TESK2: variants seen among roughly 807,000 people sequenced by gnomAD.
TESK2 encodes the protein testis associated actin remodelling kinase 2, also known as dual specificity testis-specific protein kinase 2.
A neutral mutation model predicts 57.1 loss-of-function variants in TESK2; 39 were observed. The ratio of observed to expected loss-of-function variants is 0.68; its 90% CI spans 0.53 to 0.89. TESK2 has a LOEUF of 0.89. Ranked by LOEUF, TESK2 falls within the 40% of genes least tolerant of loss-of-function variation. TESK2 has a pLI of 0.00. For synonymous variants in TESK2, 249 were observed against 267.9 expected (o/e 0.93, Z 0.69); for missense variants, 646 against 732.1 (o/e 0.88, Z 1.36).
At chr1:45,460,113 A>G (rs560438431) in intron 1 of TESK2, among the ~76,000 whole-genome samples, 1 of 152,204 alleles carries the variant, frequency 6.6e-6, no homozygotes, top group Admixed American at 6.5e-5. Flanking sequence ...TGTGTTCACT[A>G]TCTCGGTGGT....
intron 3 of TESK2, among the ~76,000 whole-genome samples, chr1:45,404,339 T>G (rs2149281318): frequency 6.6e-6 from 1 of 152,214 alleles, no homozygotes; most frequent in East Asian, 1.9e-4. Context: ...CACATATATA[T>G]TAAGTACAGT....
chr1:45,449,394 A>G (rs1009743927), intron 2 of TESK2, among the ~76,000 whole-genome samples: 9 of 152,162 alleles, frequency 5.9e-5, no homozygotes, highest in Non-Finnish European at 1.3e-4. Flanking sequence ...AACCCCACAC[A>G]TGCGTGTTGA....
At chr1:45,440,715 CA>C (rs557852510) in intron 2 of TESK2, among the ~76,000 whole-genome samples, 37 of 128,602 alleles carry the variant, frequency 2.9e-4, no homozygotes, top group South Asian at 1.0e-3. Flanking sequence ...GACTCGGTCT[CA>C]AAAAAAAAAA....
intron 4 of TESK2, among the ~76,000 whole-genome samples, chr1:45,359,805 G>A (rs1188457934): frequency 6.6e-6 from 1 of 151,642 alleles, no homozygotes; most frequent in Non-Finnish European, 1.5e-5. Context: ...CAGAGGTTGC[G>A]GTGGGCAGAG....
intron 1 of TESK2, among the ~76,000 whole-genome samples, chr1:45,466,001 C>T (rs1652536001): frequency 6.6e-6 from 1 of 152,134 alleles, no homozygotes; most frequent in Non-Finnish European, 1.5e-5. Flanking sequence ...TGCACAACCA[C>T]CCCACAGTAT....
intron 3 of TESK2, among the ~76,000 whole-genome samples, chr1:45,404,426 A>AAT (rs1649750801): frequency 6.6e-6 from 1 of 152,180 alleles, no homozygotes; most frequent in African/African-American, 2.4e-5. Flanking sequence ...AACGATGGTG[A>AAT]TGTATAACAT....
chr1:45,406,558 G>A (rs1213104776), intron 3 of TESK2, among the ~76,000 whole-genome samples: 1 of 152,096 alleles, frequency 6.6e-6, no homozygotes, highest in South Asian at 2.1e-4. Context: ...TGAAGGCTGA[G>A]GCAGGAGGAT....
chr1:45,488,881 G>A (rs1229753405), intron 1 of TESK2, among the ~76,000 whole-genome samples: 1 of 152,144 alleles, frequency 6.6e-6, no homozygotes, highest in African/African-American at 2.4e-5. Context: ...TATAGGGCAG[G>A]CCAGGCATGA....
chr1:45,469,021 C>T (rs1570761078), intron 1 of TESK2, among the ~76,000 whole-genome samples: 1 of 152,068 alleles, frequency 6.6e-6, no homozygotes, highest in East Asian at 1.9e-4. Flanking sequence ...ATATTATAAA[C>T]TTGGAAGTTC....
chr1:45,448,576 C>CA (rs1651739075), intron 2 of TESK2, among the ~76,000 whole-genome samples: 1 of 151,972 alleles, frequency 6.6e-6, no homozygotes, highest in Non-Finnish European at 1.5e-5. Context: ...GATCAAGAGA[C>CA]AGAGAGGAGG....
rs754585734 is a variant in TESK2 at position 45,385,710 on chromosome 1, G to GTATATATATATATATATATA, written c.393+182_393+201dup. On this transcript the variant is annotated intron_variant, in intron 4 of 10. Coordinates refer to ENST00000372086, the MANE Select transcript of TESK2 (RefSeq NM_007170.3). ...ACTTAAAGTGTATGTGTGTGTGTGTGTATATATATATATATATATATATAT... is the reference window on the plus strand; with the variant it reads ...ACTTAAAGTGTATGTGTGTGTGTGTGTATATATATATATATATATATATATATATATATATATATATATAT... Among the ~76,000 whole-genome samples the GTATATATATATATATATATA allele has an allele frequency of 1.1e-3, 145 of 135,218 alleles. 2 individuals carry two copies. Among genetic ancestry groups the GTATATATATATATATATATA allele is most frequent in the African/African-American group, 3.9e-3 (131 of 33,774 alleles). 88.7% of individuals were successfully genotyped at this position (135,218 alleles called of 152,430 possible).
intron 4 of TESK2, among the ~76,000 whole-genome samples, chr1:45,379,185 AG>A (rs1648551777): frequency 6.6e-6 from 1 of 152,180 alleles, no homozygotes; most frequent in Non-Finnish European, 1.5e-5. Flanking sequence ...CCTTTCTTTG[AG>A]ATGGGGTCTC....
At chr1:45,456,688 C>T (rs1652118339) in intron 2 of TESK2, among the ~76,000 whole-genome samples, 1 of 151,366 alleles carries the variant, frequency 6.6e-6, no homozygotes, top group Admixed American at 6.6e-5. Flanking sequence ...TATTAGTAGG[C>T]AAGTGGAAAT....
intron 2 of TESK2, among the ~76,000 whole-genome samples, chr1:45,448,778 C>T (rs756157444): frequency 6.6e-6 from 1 of 152,114 alleles, no homozygotes; most frequent in Non-Finnish European, 1.5e-5. Flanking sequence ...GAACAAACAT[C>T]CAAACTATAT....
chr1:45,433,779 C>T (rs1373728144), intron 2 of TESK2, among the ~76,000 whole-genome samples: 2 of 152,114 alleles, frequency 1.3e-5, no homozygotes, highest in African/African-American at 4.8e-5. Flanking sequence ...ATATTGATTT[C>T]CCTTCCTTTG....
At chr1:45,404,422 GGT>G (rs1649750433) in intron 3 of TESK2, among the ~76,000 whole-genome samples, 1 of 152,038 alleles carries the variant, frequency 6.6e-6, no homozygotes, top group African/African-American at 2.4e-5. Flanking sequence ...AACAAACGAT[GGT>G]GATGTATAAC....
chr1:45,407,498 G>A (rs774091446), intron 3 of TESK2, among the ~76,000 whole-genome samples: 11 of 151,986 alleles, frequency 7.2e-5, no homozygotes, highest in Non-Finnish European at 7.4e-5. Context: ...TCATGGTTTG[G>A]TTGTGTCCCA....
At position 45,347,600 on chromosome 1, in the gene TESK2, C is replaced by T. The variant is rs772386509; in HGVS notation, c.708+9G>A. 3 of 1,612,566 alleles carry T rather than the reference C, an allele frequency of 1.9e-6. No individual in the cohort carries two copies. The highest frequency in any genetic ancestry group is 2.2e-5 in the South Asian group (2 of 90,794). ...AGGAGAATCAGGCCTTGAGATCCTC[C>T]AAACTTACCTTTTCATTATAGGGCT... On this transcript the variant is annotated intron_variant, in intron 7 of 10. Coordinates refer to ENST00000372086, the MANE Select transcript of TESK2 (RefSeq NM_007170.3).
chr1:45,477,537 A>G (rs1283257146), intron 1 of TESK2, among the ~76,000 whole-genome samples: 4 of 150,226 alleles, frequency 2.7e-5, no homozygotes, highest in Non-Finnish European at 5.9e-5. Flanking sequence ...CGGGAGAATC[A>G]CTTGAACCTG....
Sources: gnomAD v4.1 joint callset for allele counts (sites outside exome capture counted in the v4.1 genomes callset) on GRCh38, gnomAD v4.1.1 for gene constraint, MANE v1.5 for transcripts, NCBI Gene and HGNC (gene_info 2026-07-23, HGNC 2026-07-21) for gene names.